The following INSL6 variants were observed in gnomAD, a reference collection of about 807,000 sequenced individuals.
INSL6 encodes the protein insulin-like peptide INSL6.
INSL6 carries 16 observed loss-of-function variants against 9.4 expected under a neutral mutation model. That is an observed-to-expected ratio of 1.70 (90% confidence interval 1.15 to 2.59). The LOEUF is 2.59. INSL6 is among the 30% of genes most tolerant of loss of function. The pLI is 0.00. For missense variants in INSL6, 391 were observed against 257.3 expected, an observed-to-expected ratio of 1.52 and a Z score of -3.56; for synonymous variants, 154 against 96.9, an observed-to-expected ratio of 1.59 and a Z score of -3.46.
downstream of INSL6, among the ~76,000 whole-genome samples, chr9:5,160,700 T>C (rs1824907618): frequency 6.6e-6 from 1 of 152,116 alleles, no homozygotes; most frequent in African/African-American, 2.4e-5. Context: ...TTAGCCAGAC[T>C]AACTTAGATA....
At chr9:5,168,407 A>G (rs1825104432) in intron 1 of INSL6, among the ~76,000 whole-genome samples, 1 of 152,250 alleles carries the variant, frequency 6.6e-6, no homozygotes, top group East Asian at 1.9e-4. Context: ...TGAAAAACAC[A>G]ACACGTGAAC....
At chr9:5,036,638 C>T in the INSL6 span, among the ~76,000 whole-genome samples, 17 of 152,152 alleles carry the variant, frequency 1.1e-4, no homozygotes, top group African/African-American at 4.1e-4. Context: ...ATAAATGGTG[C>T]TGGGAAAACT....
At chr9:5,043,254 C>T in the INSL6 span, among the ~76,000 whole-genome samples, 1 of 151,684 alleles carries the variant, frequency 6.6e-6, no homozygotes, top group South Asian at 2.1e-4. Flanking sequence ...ACCAAGTGTA[C>T]GGAAATGGCG....
intron 1 of INSL6, among the ~76,000 whole-genome samples, chr9:5,182,970 A>AT (rs1423684694): frequency 6.6e-6 from 1 of 152,170 alleles, no homozygotes; most frequent in Non-Finnish European, 1.5e-5. Flanking sequence ...AGCAAATTAT[A>AT]TTTTTCTGTG....
At chr9:5,123,094 C>T (rs756331922), downstream of INSL6, 6 of 1,607,136 alleles carry the variant, frequency 3.7e-6, no homozygotes, top group South Asian at 3.3e-5. Flanking sequence ...TTTTCACATA[C>T]ATTGAGAAGA....
the INSL6 span, among the ~76,000 whole-genome samples, chr9:5,074,707 T>C: frequency 1.3e-5 from 2 of 152,228 alleles, no homozygotes; most frequent in African/African-American, 4.8e-5. Flanking sequence ...GGTCTTTAAA[T>C]GTTCAAGTGA....
the INSL6 span, chr9:5,100,385 C>T: frequency 6.6e-6 from 1 of 152,334 alleles, no homozygotes; most frequent in East Asian, 1.9e-4. Flanking sequence ...TATTAATCAA[C>T]ACACTAACTG....
At chr9:5,044,490 T>A in the INSL6 span, 1 of 1,611,230 alleles carries the variant, frequency 6.2e-7, no homozygotes, top group East Asian at 2.2e-5. Context: ...CTCTTCTTGA[T>A]GACTTTGTCA....
At chr9:5,104,461 A>G in the INSL6 span, among the ~76,000 whole-genome samples, 48 of 152,338 alleles carry the variant, frequency 3.2e-4, no homozygotes, top group East Asian at 8.9e-3. Context: ...ATGGACTCAC[A>G]GCCGAATTCT....
chr9:5,095,207 G>A, the INSL6 span, among the ~76,000 whole-genome samples: 1 of 151,974 alleles, frequency 6.6e-6, no homozygotes, highest in African/African-American at 2.4e-5. Context: ...GAAAATGTTG[G>A]TTATACCCTT....
At chr9:5,160,933 A>G (rs1370357636), downstream of INSL6, among the ~76,000 whole-genome samples, 2 of 152,186 alleles carry the variant, frequency 1.3e-5, no homozygotes, top group Non-Finnish European at 2.9e-5. Flanking sequence ...ATGTAATAAG[A>G]TTGAAGCTAT....
the INSL6 span, among the ~76,000 whole-genome samples, chr9:5,059,791 G>T: frequency 6.6e-6 from 1 of 152,052 alleles, no homozygotes; most frequent in Non-Finnish European, 1.5e-5. Flanking sequence ...TCATTGCCCT[G>T]GTGAGTAATG....
the INSL6 span, among the ~76,000 whole-genome samples, chr9:4,998,925 C>T: frequency 1.3e-5 from 2 of 151,968 alleles, no homozygotes; most frequent in Admixed American, 1.3e-4. Flanking sequence ...GGGTTCACGC[C>T]ATTCTCCTGC....
At chr9:5,032,224 G>T in the INSL6 span, among the ~76,000 whole-genome samples, 3 of 152,222 alleles carry the variant, frequency 2.0e-5, no homozygotes, top group African/African-American at 7.2e-5. Context: ...ATTGCCGAGG[G>T]TTGAGTAGGT....
the INSL6 span, among the ~76,000 whole-genome samples, chr9:5,046,417 CTAATT>C: frequency 6.6e-6 from 1 of 152,068 alleles, no homozygotes; most frequent in Non-Finnish European, 1.5e-5. Flanking sequence ...TGGCTGTATT[CTAATT>C]TATCTATTTT....
the INSL6 span, among the ~76,000 whole-genome samples, chr9:5,078,736 C>T: frequency 6.6e-6 from 1 of 151,906 alleles, no homozygotes; most frequent in Admixed American, 6.6e-5. Context: ...TGTAATATTC[C>T]TTGAGCCACA....
the INSL6 span, chr9:5,021,890 C>T: frequency 1.6e-5 from 14 of 850,572 alleles, no homozygotes; most frequent in Middle Eastern, 2.3e-4. Context: ...GCCTCGGCCC[C>T]GCAAAGTGCT....
chr9:5,082,808 C>T, the INSL6 span, among the ~76,000 whole-genome samples: 24 of 152,254 alleles, frequency 1.6e-4, no homozygotes, highest in Admixed American at 1.6e-3. Flanking sequence ...GCACATCCTA[C>T]ACAGCCCTAG....
At chr9:5,104,577 C>A in the INSL6 span, among the ~76,000 whole-genome samples, 38 of 152,018 alleles carry the variant, frequency 2.5e-4, no homozygotes, top group Non-Finnish European at 5.3e-4. Context: ...AGCATCAGCC[C>A]GATACCAAAG....
Sources: allele counts gnomAD v4.1 joint callset (sites outside exome capture counted in the v4.1 genomes callset), GRCh38; gene constraint gnomAD v4.1.1; transcripts MANE v1.5; gene names NCBI Gene and HGNC (gene_info 2026-07-23, HGNC 2026-07-21).